Variants in TRPM8 observed in about 807,000 individuals in gnomAD.
TRPM8 encodes transient receptor potential cation channel subfamily M member 8, also known as TRPM8 cationic channel.
Under a neutral mutation model 133.7 loss-of-function variants are expected in TRPM8, and 110 were observed. The ratio of observed to expected loss-of-function variants is 0.82; its 90% confidence interval spans 0.70 to 0.96. The LOEUF (loss-of-function observed/expected upper bound fraction) is 0.96. Ranked by LOEUF, TRPM8 falls within the 40% of genes least tolerant of loss-of-function variation. The pLI is 0.00. For synonymous variants in TRPM8, 535 were observed against 532.3 expected, an observed-to-expected ratio of 1.01 and a Z score of -0.07; for missense variants, 1,291 against 1,379.5, an observed-to-expected ratio of 0.94 and a Z score of 1.02.
intron 9 of TRPM8, among the ~76,000 whole-genome samples, chr2:233,951,737 C>T (rs1691176615): frequency 6.6e-6 from 1 of 152,064 alleles, no homozygotes; most frequent in African/African-American, 2.4e-5. Flanking sequence ...AGAAAACATG[C>T]ATCAATAATA....
chr2:233,977,078 C>T lies in TRPM8; in HGVS notation c.2356-3110C>T, dbSNP rs182214221. 7.2e-5 allele frequency among the ~76,000 whole-genome samples: 11 copies of T among 152,144 alleles called. No individual in the cohort carries two copies. The East Asian group carries it at 9.7e-4, about 13-fold the overall frequency. ...ATTGTGTCAAAAAGTCATGCTCTTCCGTGTGTACCTGTGTCCCTTTGCCTG... is the reference window on the plus strand; with the variant it reads ...ATTGTGTCAAAAAGTCATGCTCTTCTGTGTGTACCTGTGTCCCTTTGCCTG... On this transcript the variant is annotated intron_variant, in intron 17 of 25. Coordinates refer to ENST00000324695, the MANE Select transcript of TRPM8 (RefSeq NM_024080.5).
intron 10 of TRPM8, 25 bp from the exon 11 acceptor site, chr2:233,955,107 T>G: frequency 3.2e-6 from 5 of 1,565,646 alleles, no homozygotes; most frequent in Non-Finnish European, 4.4e-6. Flanking sequence ...TTTGGTGAGT[T>G]GAGTCTTTTC....
At position 233,980,279 on chromosome 2, in the gene TRPM8, G is replaced by A. The variant is rs751135729; in HGVS notation, c.2447G>A (p.Arg816Gln). 1.4e-5 allele frequency: 22 copies of A among 1,584,490 alleles called. No homozygotes were observed. The highest frequency in any genetic ancestry group is 1.8e-4 in the Middle Eastern group (1 of 5,496). Residue 816 changes from arginine (R) to glutamine (Q), a missense_variant and splice_region_variant, in exon 18 of 26, where the codon CGG (arginine) becomes CAG (glutamine). Physicochemically the swap from Arg to Gln is conservative, Grantham distance 43. Around this residue, in one of 2 missense-constraint regions of TRPM8, gnomAD observed 328 missense variants for 410.6 expected, o/e 0.80. Coordinates refer to ENST00000324695, the MANE Select transcript of TRPM8 (RefSeq NM_024080.5). The stretch of plus-strand genomic sequence containing the variant: ...TACTTCATAGCAGGAATTGTATTTC[G>A]GTAAGTAGTCTCATCACTTTTCCTA... ...LFYFIAGIVF[R>Q]LHSSNKSSLY...
chr2:233,947,537 T>C (rs1391815238), intron 8 of TRPM8: 1 of 1,298,220 alleles, frequency 7.7e-7, no homozygotes, highest in Non-Finnish European at 1.0e-6. Flanking sequence ...AAACCAGATG[T>C]TTCCAGACCA....
chr2:233,956,629 C>T (rs1691300558), intron 11 of TRPM8, among the ~76,000 whole-genome samples: 1 of 152,138 alleles, frequency 6.6e-6, no homozygotes, highest in Admixed American at 6.5e-5. Flanking sequence ...CAGACAGGGT[C>T]AGAAAACACT....
intron 19 of TRPM8, 49 bp from the exon 20 acceptor site, chr2:233,983,004 C>T (rs1289840292): frequency 3.2e-6 from 5 of 1,579,070 alleles, no homozygotes; most frequent in Non-Finnish European, 4.3e-6. Flanking sequence ...GGGGGACTTG[C>T]CAACTGTGGG....
intron 17 of TRPM8, among the ~76,000 whole-genome samples, chr2:233,975,678 C>G (rs1233396905): frequency 6.6e-6 from 1 of 152,146 alleles, no homozygotes; most frequent in Non-Finnish European, 1.5e-5. Context: ...CTCAGGAGTT[C>G]GAGACCAGCC....
intron 5 of TRPM8, among the ~76,000 whole-genome samples, chr2:233,941,924 G>T (rs985509224): frequency 2.6e-5 from 4 of 152,078 alleles, no homozygotes; most frequent in Admixed American, 1.3e-4. Flanking sequence ...ACTTACCATG[G>T]TGGCATTGCC....
intron 14 of TRPM8, 54 bp from the exon 15 acceptor site, chr2:233,966,556 T>G (rs1691580967): frequency 6.2e-7 from 1 of 1,608,920 alleles, no homozygotes. Context: ...GCAGGACAGT[T>G]TCGGTCATGT....
chr2:233,934,652 T>C (rs1055248574), intron 3 of TRPM8, among the ~76,000 whole-genome samples: 1 of 152,216 alleles, frequency 6.6e-6, no homozygotes, highest in Non-Finnish European at 1.5e-5. Flanking sequence ...TTGTTCCTCA[T>C]TATAGAATTT....
chr2:233,942,772 C>A, intron 6 of TRPM8, 24 bp downstream of exon 6: 1 of 1,613,290 alleles, frequency 6.2e-7, no homozygotes, highest in South Asian at 1.1e-5. Context: ...AGGAGGAGGT[C>A]TGCTAGGTCA....
rs960978127 is a variant in TRPM8, at chr2:233,942,836, A to G, written c.699+88A>G. The G allele has an allele frequency of 2.6e-6, 4 of 1,514,012 alleles. No individual in the cohort carries two copies. The African/African-American group carries it at 4.1e-5, about 16-fold the overall frequency. 93.8% of individuals were successfully genotyped at this position (1,514,012 alleles called of 1,614,324 possible). On this transcript the variant is annotated intron_variant, in intron 6 of 25. Transcript: ENST00000324695. ...GTGGCCTGAACCCTGGGGCTCTGTG[A>G]TGGAGCCAGCCAGATCATGGGGAAG...
intron 21 of TRPM8, among the ~76,000 whole-genome samples, chr2:233,991,920 A>T (rs553665457): frequency 1.3e-5 from 2 of 152,206 alleles, no homozygotes; most frequent in South Asian, 2.1e-4. Context: ...TATTATTATG[A>T]TGATGTTAGG....
At chr2:233,956,581 A>T (rs1009717430) in intron 11 of TRPM8, among the ~76,000 whole-genome samples, 3 of 152,212 alleles carry the variant, frequency 2.0e-5, no homozygotes, top group African/African-American at 7.2e-5. Context: ...GTATGTATAG[A>T]TTTGAAGGTG....
intron 21 of TRPM8, among the ~76,000 whole-genome samples, chr2:233,986,610 A>G (rs1328867210): frequency 6.6e-6 from 1 of 152,212 alleles, no homozygotes; most frequent in Non-Finnish European, 1.5e-5. Context: ...CTTTGGGTGG[A>G]AGGGAACTCT....
chr2:233,950,218 C>A, intron 9 of TRPM8, 72 bp downstream of exon 9: 1 of 1,420,700 alleles, frequency 7.0e-7, no homozygotes, highest in Non-Finnish European at 9.7e-7. Flanking sequence ...ATGCCTTAAA[C>A]GCCCAACTCC....
At chr2:233,952,673 C>T (rs1158376213) in intron 9 of TRPM8, among the ~76,000 whole-genome samples, 4 of 151,490 alleles carry the variant, frequency 2.6e-5, no homozygotes, top group African/African-American at 7.3e-5. Flanking sequence ...AGGGAAAAAA[C>T]GAGATGGAAG....
chr2:233,944,026 G>A (rs1415670014), intron 6 of TRPM8, among the ~76,000 whole-genome samples: 3 of 152,122 alleles, frequency 2.0e-5, no homozygotes, highest in South Asian at 2.1e-4. Flanking sequence ...AGGAGGAGGC[G>A]TTTTGAAGAC....
chr2:233,992,645 A>G (rs1189987877), intron 21 of TRPM8, among the ~76,000 whole-genome samples: 1 of 152,186 alleles, frequency 6.6e-6, no homozygotes, highest in Non-Finnish European at 1.5e-5. Context: ...GTCTCCAGCC[A>G]GCTAGGTGTT....
Sources: allele counts gnomAD v4.1 joint callset (sites outside exome capture counted in the v4.1 genomes callset), GRCh38; gene constraint gnomAD v4.1.1; regional missense constraint gnomAD v4.1.1; transcripts MANE v1.5; gene names NCBI Gene and HGNC (gene_info 2026-07-23, HGNC 2026-07-21).